Variants in GABRA3 observed in about 807,000 individuals in gnomAD.
The protein encoded by GABRA3 is gamma-aminobutyric acid receptor subunit alpha-3.
GABRA3 carries 10 observed loss-of-function variants against 30.1 expected under a neutral mutation model. The observed-to-expected ratio is 0.33, with a 90% CI of 0.20 to 0.56. GABRA3 has a LOEUF of 0.56. Among genes scored for constraint, GABRA3 ranks in the 20% least tolerant of loss-of-function variants. GABRA3 has a pLI of 0.89. For synonymous variants in GABRA3, 151 were observed against 146.8 expected (o/e 1.03, Z -0.21); for missense variants, 233 against 392.0 (o/e 0.59, Z 3.42).
chrX:152,272,428 T>G (rs774146865), intron 4 of GABRA3, among the ~76,000 whole-genome samples: 1 of 112,676 alleles, frequency 8.9e-6, no homozygotes, highest in Non-Finnish European at 1.9e-5. Context: ...CCCTTTGGAA[T>G]GGATGTATTT....
At chrX:152,213,640 T>C (rs1049743463) in intron 6 of GABRA3, among the ~76,000 whole-genome samples, 1 of 110,642 alleles carries the variant, frequency 9.0e-6, no homozygotes, top group Admixed American at 9.6e-5. Context: ...TGGTAAAGAG[T>C]TCTAGGAACT....
At chrX:152,425,139 G>A (rs1054467744) in intron 1 of GABRA3, among the ~76,000 whole-genome samples, 4 of 105,590 alleles carry the variant, frequency 3.8e-5, no homozygotes, top group Admixed American at 3.1e-4. Flanking sequence ...ATCTTGTTAC[G>A]TTGCCTAGGT....
intron 1 of GABRA3, among the ~76,000 whole-genome samples, chrX:152,400,514 TAAATAAAATA>T (rs1315466858): frequency 9.1e-6 from 1 of 110,102 alleles, no homozygotes; most frequent in Non-Finnish European, 1.9e-5. Flanking sequence ...GTCTCAAAAA[TAAATAAAATA>T]AAATAAAATA....
intron 3 of GABRA3, among the ~76,000 whole-genome samples, chrX:152,285,048 C>A (rs184983089): frequency 1.3e-3 from 145 of 111,690 alleles, no homozygotes; most frequent in Middle Eastern, 9.3e-3. Context: ...TAGTAGGTTA[C>A]AAATGTTGCA....
chrX:152,388,164 T>C (rs753662396), intron 1 of GABRA3, among the ~76,000 whole-genome samples: 2 of 111,930 alleles, frequency 1.8e-5, no homozygotes, highest in East Asian at 5.6e-4. Flanking sequence ...ATTAATATAT[T>C]TGAAAGTCAG....
chrX:152,233,156 G>T (rs59966763), intron 5 of GABRA3, among the ~76,000 whole-genome samples: 10,049 of 103,312 alleles, frequency 0.097, 1,157 homozygotes, highest in East Asian at 0.31. Context: ...GGGGTTGTTT[G>T]TTTTTTTTTT....
At chrX:152,290,664 T>G (rs1443701743) in intron 3 of GABRA3, among the ~76,000 whole-genome samples, 3 of 112,219 alleles carry the variant, frequency 2.7e-5, no homozygotes, top group Non-Finnish European at 3.8e-5. Context: ...ATTTAATTCT[T>G]TATTCAATCT....
intron 3 of GABRA3, among the ~76,000 whole-genome samples, chrX:152,339,084 G>A (rs760271690): frequency 4.5e-5 from 5 of 110,218 alleles, no homozygotes; most frequent in South Asian, 3.9e-4. Context: ...TTGGTATATC[G>A]GTAGAGATTA....
At chrX:152,307,325 C>T (rs1189916584) in intron 3 of GABRA3, among the ~76,000 whole-genome samples, 1 of 111,900 alleles carries the variant, frequency 8.9e-6, no homozygotes, top group Non-Finnish European at 1.9e-5. Context: ...CCAGTACTAT[C>T]ATATCCATTA....
At chrX:152,300,483 C>G (rs1458432959) in intron 3 of GABRA3, among the ~76,000 whole-genome samples, 1 of 111,739 alleles carries the variant, frequency 8.9e-6, no homozygotes, top group Non-Finnish European at 1.9e-5. Context: ...TAGATAAAAT[C>G]CAGCATTAGT....
intron 9 of GABRA3, chrX:152,186,893 C>A (rs1274257268): frequency 9.0e-6 from 1 of 111,003 alleles, no homozygotes; most frequent in Admixed American, 9.6e-5. Flanking sequence ...CCACATCCAG[C>A]CTGCTTCCTT....
At chrX:152,426,648 T>G (rs1326034912) in intron 1 of GABRA3, among the ~76,000 whole-genome samples, 1 of 112,050 alleles carries the variant, frequency 8.9e-6, no homozygotes, top group Non-Finnish European at 1.9e-5. Context: ...TGTCACTTCC[T>G]TTCTCCGTAC....
At chrX:152,243,294 A>G (rs904585156) in intron 5 of GABRA3, among the ~76,000 whole-genome samples, 1 of 111,820 alleles carries the variant, frequency 8.9e-6, no homozygotes, top group Admixed American at 9.5e-5. Context: ...AGTATAGTTA[A>G]TAACAGTGTT....
chrX:152,230,895 A>G (rs1358508869), intron 5 of GABRA3, among the ~76,000 whole-genome samples: 3 of 110,553 alleles, frequency 2.7e-5, no homozygotes, highest in African/African-American at 9.8e-5. Context: ...TTGCACAAAG[A>G]TTTCTTAGGT....
intron 3 of GABRA3, among the ~76,000 whole-genome samples, chrX:152,340,595 T>C (rs1603244607): frequency 8.9e-6 from 1 of 112,301 alleles, no homozygotes; most frequent in African/African-American, 3.2e-5. Context: ...AAATTTATTT[T>C]CTCTGGTTAA....
intron 7 of GABRA3, among the ~76,000 whole-genome samples, chrX:152,198,369 T>C (rs1453541753): frequency 3.6e-5 from 4 of 112,621 alleles, no homozygotes; most frequent in African/African-American, 1.3e-4. Flanking sequence ...GAATGTGGAC[T>C]GACCTACGTT....
chrX:152,402,835 T>C (rs1322623942), intron 1 of GABRA3, among the ~76,000 whole-genome samples: 1 of 111,841 alleles, frequency 8.9e-6, no homozygotes, highest in Non-Finnish European at 1.9e-5. Context: ...ATAACTAACA[T>C]TTACCATAAA....
intron 5 of GABRA3, among the ~76,000 whole-genome samples, chrX:152,248,341 T>C (rs1458924267): frequency 1.8e-5 from 2 of 111,633 alleles, no homozygotes; most frequent in Non-Finnish European, 3.8e-5. Context: ...TAGACATGAG[T>C]ATGCCACTCA....
chrX:152,175,874 C>T, intron 9 of GABRA3, among the ~76,000 whole-genome samples: 1 of 109,799 alleles, frequency 9.1e-6, no homozygotes, highest in South Asian at 3.9e-4. Flanking sequence ...ATCATCCTGG[C>T]TAACACGGTG....
Sources: gnomAD v4.1 joint callset for allele counts (sites outside exome capture counted in the v4.1 genomes callset) on GRCh38, gnomAD v4.1.1 for gene constraint, MANE v1.5 for transcripts, NCBI Gene and HGNC (gene_info 2026-07-23, HGNC 2026-07-21) for gene names.